The following TPP2 variants were observed in gnomAD, a reference collection of about 807,000 sequenced individuals.
The protein encoded by TPP2 is tripeptidyl peptidase 2.
A neutral mutation model predicts 155.9 loss-of-function variants in TPP2; 34 were observed. That is an observed-to-expected ratio of 0.22 (90% CI 0.17 to 0.29). The LOEUF is 0.29. TPP2 is among the 10% of genes least tolerant of loss of function. The pLI, the probability that TPP2 is intolerant of heterozygous loss-of-function variation, is 1.00. For synonymous variants in TPP2, 510 were observed against 529.4 expected (o/e 0.96, Z 0.50); for missense variants, 1,028 against 1,522.3 (o/e 0.68, Z 5.40).
In TPP2 at chr13:102,674,408, A is replaced by C; in HGVS notation, c.3497A>C (p.Glu1166Ala). The C allele has an allele frequency of 6.2e-7, 1 of 1,613,978 alleles. No homozygotes were observed. The highest frequency in any genetic ancestry group is 8.5e-7 in the Non-Finnish European group (1 of 1,179,868). ...GAISTDAEGK[E>A]EEGESPLDSL... Reference sequence around the variant, plus strand: ...ATTTCCACTGATGCAGAAGGAAAGGAGGAGGAAGGAGAAAGTCCTTTGGAT... The same window carrying C: ...ATTTCCACTGATGCAGAAGGAAAGGCGGAGGAAGGAGAAAGTCCTTTGGAT... The change falls in exon 28 of 30, where the codon GAG (glutamate) becomes GCG (alanine). Residue 1166 changes from glutamate to alanine, a missense_variant. By Grantham distance (107) the Glu-to-Ala change is moderately radical. Coordinates refer to ENST00000376052, the MANE Select transcript of TPP2 (RefSeq NM_001330588.2).
chr13:102,612,096 T>A (rs887596395), intron 2 of TPP2, among the ~76,000 whole-genome samples: 4 of 152,276 alleles, frequency 2.6e-5, no homozygotes, highest in Middle Eastern at 3.4e-3. Context: ...CAACACTTAG[T>A]CTTAAATATT....
At chr13:102,650,226 G>C (rs889781907) in intron 23 of TPP2, among the ~76,000 whole-genome samples, 2 of 152,010 alleles carry the variant, frequency 1.3e-5, no homozygotes, top group African/African-American at 4.8e-5. Context: ...TTAGCTCAAT[G>C]CCAGTAAAAG....
chr13:102,637,218 A>G lies in TPP2; in HGVS notation c.1815A>G (p.Arg605=). The part of the protein sequence containing the change: ...INIRVDPRGL[R]EGLHYTEVCG... Reference sequence around the variant, plus strand: ...TACGTGTGGATCCCAGGGGCTTAAGAGAAGGATTGCATTATACAGAGGTAT... The same window carrying G: ...TACGTGTGGATCCCAGGGGCTTAAGGGAAGGATTGCATTATACAGAGGTAT... Residue 605 remains arginine, a synonymous_variant, in exon 14 of 30, where the codon AGA becomes AGG. Coordinates refer to ENST00000376052, the MANE Select transcript of TPP2 (RefSeq NM_001330588.2). 6.2e-7 allele frequency: 1 copy of G among 1,605,832 alleles called. No homozygotes were observed. The highest frequency in any genetic ancestry group is 8.5e-7 in the Non-Finnish European group (1 of 1,178,782).
At chr13:102,651,019 T>TGG (rs1390336176) in intron 23 of TPP2, among the ~76,000 whole-genome samples, 1 of 152,224 alleles carries the variant, frequency 6.6e-6, no homozygotes. Flanking sequence ...GCATAGGCAA[T>TGG]GGGGTTGTTG....
intron 25 of TPP2, among the ~76,000 whole-genome samples, chr13:102,658,996 A>G (rs1039510055): frequency 6.6e-6 from 1 of 152,154 alleles, no homozygotes; most frequent in Admixed American, 6.5e-5. Context: ...TGGGGGTGTC[A>G]CTCAAAGAAA....
At chr13:102,600,358 T>A (rs909923911) in intron 1 of TPP2, among the ~76,000 whole-genome samples, 2 of 152,158 alleles carry the variant, frequency 1.3e-5, no homozygotes, top group African/African-American at 4.8e-5. Context: ...CACCATTATG[T>A]TTTGGAAAAT....
chr13:102,628,054 T>G (rs995329380), intron 8 of TPP2, 130 bp downstream of exon 8: 6 of 717,496 alleles, frequency 8.4e-6, no homozygotes, highest in African/African-American at 7.2e-5. Flanking sequence ...ATAACTGTGT[T>G]CAAGAGGACT....
intron 14 of TPP2, 47 bp downstream of exon 14, chr13:102,637,286 T>C: frequency 6.5e-7 from 1 of 1,544,682 alleles, no homozygotes; most frequent in Non-Finnish European, 8.6e-7. Context: ...TTAAAATGTT[T>C]AAAAGGTTAA....
intron 17 of TPP2, among the ~76,000 whole-genome samples, chr13:102,644,327 T>C (rs1203160642): frequency 6.6e-6 from 1 of 152,224 alleles, no homozygotes; most frequent in Non-Finnish European, 1.5e-5. Context: ...GGATCTTTTA[T>C]GACAAGAAGC....
chr13:102,667,002 G>A (rs9557903), intron 27 of TPP2, among the ~76,000 whole-genome samples: 6 of 152,044 alleles, frequency 3.9e-5, no homozygotes, highest in African/African-American at 7.2e-5. Context: ...GACTGAAATA[G>A]ACTCTGACCA....
Position 102,614,997 on chromosome 13 carries a change from C to T in TPP2, c.390+801C>T, listed in dbSNP as rs533804959. On this transcript the variant is annotated intron_variant, in intron 3 of 29. Coordinates refer to ENST00000376052, the MANE Select transcript of TPP2 (RefSeq NM_001330588.2). ...CTGATACAAGTACCTAATACAAGTC[C>T]AGGGTTGCAGCTGTAAAATAAGGTA... Among the ~76,000 whole-genome samples, 206 of 152,094 alleles carry T rather than the reference C, an allele frequency of 1.4e-3. 1 individual carries two copies. The highest frequency in any genetic ancestry group is 2.0e-3 in the Non-Finnish European group (139 of 67,992).
Position 102,663,636 on chromosome 13 carries a change from TTACA to T in TPP2, c.3144-5_3144-2del. 1 of 1,562,524 alleles carries T rather than the reference TTACA, an allele frequency of 6.4e-7. No homozygotes were observed. Among genetic ancestry groups the T allele is most frequent in the Non-Finnish European group, 8.7e-7 (1 of 1,155,320 alleles). On this transcript the variant is annotated splice_polypyrimidine_tract_variant and splice_region_variant and intron_variant, in intron 25 of 29. Transcript: ENST00000376052. ...AAAAAAGTAAATATTTCTCTCCTTC[TTACA>T]TACATAGGCTGGATTCTAGTGACAT...
At chr13:102,674,240 A>G (rs748969044) in intron 27 of TPP2, 43 bp from the exon 28 acceptor site, 7 of 1,567,710 alleles carry the variant, frequency 4.5e-6, no homozygotes, top group African/African-American at 4.1e-5. Context: ...ACTTTTAAAG[A>G]CATTTTACTG....
chr13:102,633,473 T>C (rs1399995449), intron 10 of TPP2, among the ~76,000 whole-genome samples: 2 of 152,226 alleles, frequency 1.3e-5, no homozygotes, highest in African/African-American at 4.8e-5. Flanking sequence ...CATACTAAAA[T>C]TAATTGCATT....
intron 25 of TPP2, among the ~76,000 whole-genome samples, chr13:102,659,710 A>G (rs1215480285): frequency 1.3e-5 from 2 of 152,246 alleles, no homozygotes; most frequent in Non-Finnish European, 2.9e-5. Context: ...AAAAGAAGTT[A>G]TTCAGCCTGA....
intron 23 of TPP2, among the ~76,000 whole-genome samples, chr13:102,650,744 A>G: frequency 6.6e-6 from 1 of 152,182 alleles, no homozygotes; most frequent in East Asian, 1.9e-4. Context: ...AGAAATAGTT[A>G]CTACTTCCCA....
chr13:102,604,690 A>G, intron 1 of TPP2, 103 bp from the exon 2 acceptor site: 1 of 1,300,420 alleles, frequency 7.7e-7, no homozygotes, highest in South Asian at 1.5e-5. Context: ...TTTTAAGTGA[A>G]TGTAGATTTT....
chr13:102,617,593 A>C (rs939323049), intron 4 of TPP2, among the ~76,000 whole-genome samples: 22 of 152,220 alleles, frequency 1.4e-4, no homozygotes, highest in Non-Finnish European at 2.9e-5. Context: ...AGATTATCAT[A>C]AGGACAAATA....
At chr13:102,658,798 G>A (rs988227730) in intron 25 of TPP2, among the ~76,000 whole-genome samples, 24 of 152,114 alleles carry the variant, frequency 1.6e-4, no homozygotes, top group Non-Finnish European at 2.1e-4. Context: ...GGAGGAGGAC[G>A]TCATCATTTC....
Sources: allele counts gnomAD v4.1 joint callset (sites outside exome capture counted in the v4.1 genomes callset), GRCh38; gene constraint gnomAD v4.1.1; transcripts MANE v1.5; gene names NCBI Gene and HGNC (gene_info 2026-07-23, HGNC 2026-07-21).